PTPN3: variants seen among roughly 807,000 people sequenced by gnomAD.
PTPN3 encodes protein tyrosine phosphatase non-receptor type 3.
Under a neutral mutation model 132.7 loss-of-function variants are expected in PTPN3, and 96 were observed. The observed-to-expected ratio is 0.72, with a 90% CI of 0.61 to 0.86. PTPN3 has a LOEUF of 0.86. PTPN3 is among the 40% of genes least tolerant of loss of function. The pLI, the probability that PTPN3 is intolerant of heterozygous loss-of-function variation, is 0.00. For synonymous variants in PTPN3, 398 were observed against 429.0 expected (o/e 0.93, Z 0.89); for missense variants, 1,125 against 1,159.6 (o/e 0.97, Z 0.43).
rs765748941 is a variant in PTPN3 at position 109,406,439 on chromosome 9, TC to T, written c.1792+22del. The stretch of plus-strand genomic sequence containing the variant: ...TTGGCTAGGACAGCTTCCCTATGGC[TC>T]CTCCCCCCAGGTGGCCATTACCTCT... On this transcript the variant is annotated intron_variant, in intron 18 of 25. Coordinates refer to ENST00000374541, the MANE Select transcript of PTPN3 (RefSeq NM_002829.4). The T allele has an allele frequency of 1.9e-6, 3 of 1,607,800 alleles. No individual in the cohort carries two copies. The Admixed American group carries it at 5.0e-5, about 27-fold the overall frequency.
chr9:109,507,814 C>T, the PTPN3 span, among the ~76,000 whole-genome samples: 1 of 152,216 alleles, frequency 6.6e-6, no homozygotes, highest in Non-Finnish European at 1.5e-5. Flanking sequence ...AGGCCTCCAT[C>T]CATAACACTC....
At chr9:109,475,905 C>T (rs1478053774) in intron 1 of PTPN3, among the ~76,000 whole-genome samples, 2 of 152,210 alleles carry the variant, frequency 1.3e-5, no homozygotes, top group Non-Finnish European at 2.9e-5. Context: ...ACCCAATCCT[C>T]ACCACCAGTG....
intron 12 of PTPN3, among the ~76,000 whole-genome samples, chr9:109,426,057 T>C (rs1441476786): frequency 2.7e-5 from 4 of 150,042 alleles, no homozygotes. Flanking sequence ...AAAGAAATTA[T>C]AAGAATAAAT....
chr9:109,469,705 GA>G (rs35732030), intron 1 of PTPN3, among the ~76,000 whole-genome samples: 1 of 151,826 alleles, frequency 6.6e-6, no homozygotes, highest in South Asian at 2.1e-4. Context: ...GAGTTCCGTT[GA>G]AAAAAAGGAG....
intron 7 of PTPN3, among the ~76,000 whole-genome samples, chr9:109,438,948 G>A (rs1280236190): frequency 4.6e-5 from 7 of 152,204 alleles, no homozygotes; most frequent in African/African-American, 1.7e-4. Flanking sequence ...ATCACATTAG[G>A]GACCTGCAGG....
the PTPN3 span, among the ~76,000 whole-genome samples, chr9:109,528,594 T>C: frequency 6.6e-6 from 1 of 152,198 alleles, no homozygotes; most frequent in East Asian, 1.9e-4. Context: ...AAGAAGCCTT[T>C]GGGAGGGCTG....
At chr9:109,509,699 A>G in the PTPN3 span, among the ~76,000 whole-genome samples, 1 of 152,200 alleles carries the variant, frequency 6.6e-6, no homozygotes, top group Non-Finnish European at 1.5e-5. Context: ...AAATGTGCAT[A>G]ATACTAGCAC....
intron 14 of PTPN3, 144 bp downstream of exon 14, chr9:109,420,280 G>C (rs1228762382): frequency 2.5e-6 from 2 of 807,272 alleles, no homozygotes; most frequent in Non-Finnish European, 3.7e-6. Flanking sequence ...TCTGATTTAT[G>C]TTCTTATCCT....
chr9:109,400,390 T>C (rs1039595503), intron 19 of PTPN3, among the ~76,000 whole-genome samples: 4 of 152,200 alleles, frequency 2.6e-5, no homozygotes. Flanking sequence ...ACTCACAAGA[T>C]ACCCAATTTA....
chr9:109,376,768 A>C lies in PTPN3; in HGVS notation c.*2788T>G, dbSNP rs2131557829. On this transcript the variant is annotated 3_prime_UTR_variant, in exon 26 of 26. Coordinates refer to ENST00000374541, the MANE Select transcript of PTPN3 (RefSeq NM_002829.4). ...ATTGCTTAAGTGTATAAGGTGGTGA[A>C]ACAGGAATCTTGAGCTACGGATTTT... 6.6e-6 allele frequency: 1 copy of C among 152,354 alleles called. No individual in the cohort carries two copies. Among genetic ancestry groups the C allele is most frequent in the Non-Finnish European group, 1.5e-5 (1 of 68,028 alleles). 9.4% of individuals were successfully genotyped at this position (152,354 alleles called of 1,614,324 possible).
At chr9:109,431,841 T>C (rs2131899739) in intron 10 of PTPN3, among the ~76,000 whole-genome samples, 1 of 152,230 alleles carries the variant, frequency 6.6e-6, no homozygotes, top group East Asian at 1.9e-4. Flanking sequence ...GGTTCTTACT[T>C]AACTTCTTTG....
chr9:109,459,859 C>T (rs1845752918), intron 2 of PTPN3, among the ~76,000 whole-genome samples: 1 of 152,144 alleles, frequency 6.6e-6, no homozygotes, highest in Non-Finnish European at 1.5e-5. Context: ...CCTTCTCAGA[C>T]TCCTTTAGTG....
chr9:109,448,902 C>G, intron 5 of PTPN3, 47 bp from the exon 6 acceptor site: 3 of 1,290,370 alleles, frequency 2.3e-6, no homozygotes, highest in Non-Finnish European at 2.0e-6. Flanking sequence ...CTGAAATAAG[C>G]AAAAAAAAAA....
chr9:109,405,265 C>T (rs1328869541), intron 18 of PTPN3, among the ~76,000 whole-genome samples: 2 of 152,186 alleles, frequency 1.3e-5, no homozygotes, highest in Non-Finnish European at 2.9e-5. Context: ...CCGGAGAGAT[C>T]TGGTAAGGCC....
chr9:109,441,027 C>A (rs1844426892), intron 7 of PTPN3, among the ~76,000 whole-genome samples: 1 of 152,088 alleles, frequency 6.6e-6, no homozygotes, highest in Non-Finnish European at 1.5e-5. Context: ...GCTTTTTATC[C>A]CCACTAAACA....
At chr9:109,408,796 A>AAAAAAATATATATATATATAT (rs1377996219) in intron 16 of PTPN3, among the ~76,000 whole-genome samples, 1 of 108,374 alleles carries the variant, frequency 9.2e-6, no homozygotes, top group African/African-American at 3.7e-5. Flanking sequence ...AAAAAAAAAA[A>AAAAAAATATATATATATATAT]ATATATATAT....
At chr9:109,431,108 G>A (rs541357025) in intron 10 of PTPN3, among the ~76,000 whole-genome samples, 2 of 152,346 alleles carry the variant, frequency 1.3e-5, no homozygotes, top group South Asian at 2.1e-4. Flanking sequence ...GGAGGCAGGG[G>A]CCAGGCCTCG....
At chr9:109,454,118 A>G (rs929013986) in intron 5 of PTPN3, among the ~76,000 whole-genome samples, 20 of 152,050 alleles carry the variant, frequency 1.3e-4, no homozygotes, top group South Asian at 8.3e-4. Flanking sequence ...TGACCTGTGG[A>G]TGACTATTTT....
At chr9:109,478,088 A>G (rs372035196) in intron 1 of PTPN3, among the ~76,000 whole-genome samples, 4 of 152,168 alleles carry the variant, frequency 2.6e-5, no homozygotes, top group African/African-American at 9.7e-5. Context: ...ACCTGCCAGG[A>G]GAGAGGCTCA....
Sources: gnomAD v4.1 joint callset for allele counts (sites outside exome capture counted in the v4.1 genomes callset) on GRCh38, gnomAD v4.1.1 for gene constraint, MANE v1.5 for transcripts, NCBI Gene and HGNC (gene_info 2026-07-23, HGNC 2026-07-21) for gene names.